F2: variants seen among roughly 807,000 people sequenced by gnomAD.
F2 encodes coagulation factor II, thrombin.
In F2, 34 loss-of-function variants were observed where a neutral mutation model predicts 81.9. The observed-to-expected ratio is 0.42, with a 90% CI of 0.32 to 0.55. The LOEUF is 0.55. F2 is among the 20% of genes least tolerant of loss of function. F2 has a pLI of 0.18. For missense variants in F2, 630 were observed against 833.4 expected, an observed-to-expected ratio of 0.76 and a Z score of 3.00; for synonymous variants, 296 against 326.4, an observed-to-expected ratio of 0.91 and a Z score of 1.01.
Position 46,723,469 on chromosome 11 carries a change from C to T in F2, c.510C>T (p.Tyr170=), listed in dbSNP as rs780567837. 1.2e-6 allele frequency: 2 copies of T among 1,614,142 alleles called. No individual in the cohort carries two copies. The highest frequency in any genetic ancestry group is 1.7e-6 in the Non-Finnish European group (2 of 1,180,012). The change falls in exon 6 of 14, where the codon TAC becomes TAT. Residue 170 remains tyrosine, a synonymous_variant. Transcript: ENST00000311907. The surrounding 1 kb of genome is among the most constrained non-coding windows in gnomAD (Gnocchi z 5.6). ...PDSSTTGPWC[Y]TTDPTVRRQE... Reference sequence around the variant, plus strand: ...GCAGCACCACGGGACCCTGGTGCTACACTACAGACCCCACCGTGAGGAGGC... The same window carrying T: ...GCAGCACCACGGGACCCTGGTGCTATACTACAGACCCCACCGTGAGGAGGC...
At position 46,728,937 on chromosome 11, in the gene F2, G is replaced by A. The variant is rs958985179; in HGVS notation, c.1472+100G>A. 12 of 1,347,226 alleles carry A rather than the reference G, an allele frequency of 8.9e-6. No homozygotes were observed. In the African/African-American group the frequency reaches 1.4e-4, roughly 16 times the overall value. The allele number at this position is 1,347,226 out of a possible 1,614,324, so 83.5% of individuals were successfully genotyped here. ...GCAAGAGCCCCTTTCCCTTTTCCAG[G>A]CCTCGGTTTCTTGGAGTGAACCCAA... On this transcript the variant is annotated intron_variant, in intron 11 of 13. Transcript: ENST00000311907. The surrounding 1 kb of genome is among the most constrained non-coding windows in gnomAD (Gnocchi z 5.1).
chr11:46,735,015 C>T (rs185797259), intron 12 of F2, among the ~76,000 whole-genome samples: 12 of 152,242 alleles, frequency 7.9e-5, no homozygotes, highest in African/African-American at 2.4e-4. Flanking sequence ...GTCTCTAAAC[C>T]CTTTATTAAA....
intron 12 of F2, among the ~76,000 whole-genome samples, chr11:46,734,997 A>C (rs1328517790): frequency 6.6e-6 from 1 of 152,092 alleles, no homozygotes; most frequent in Non-Finnish European, 1.5e-5. Context: ...CCAAATGGCT[A>C]ACTAGCTGTC....
Position 46,720,672 on chromosome 11 carries a change from T to C in F2, c.266-118T>C, listed in dbSNP as rs764368187. The C allele has an allele frequency of 6.3e-5, 94 of 1,494,712 alleles. No homozygotes were observed. In the Admixed American group the frequency reaches 9.5e-4, roughly 15 times the overall value. 92.6% of individuals were successfully genotyped at this position (1,494,712 alleles called of 1,614,324 possible). On this transcript the variant is annotated intron_variant, in intron 3 of 13. Coordinates refer to ENST00000311907, the MANE Select transcript of F2 (RefSeq NM_000506.5). ...ATCCACCCCTTCCCCACTCCTTCCT[T>C]GGTCCCTCCCATCTGTTCATCCATC...
chr11:46,726,826 CAT>C lies in F2; in HGVS notation c.1120_1121del (p.Met374ValfsTer24). On this transcript the variant is annotated frameshift_variant, in exon 9 of 14. Coordinates refer to ENST00000311907, the MANE Select transcript of F2 (RefSeq NM_000506.5). LOFTEE classifies it high-confidence loss of function. The surrounding 1 kb of genome is among the most constrained non-coding windows in gnomAD (Gnocchi z 5.9). ...IVEGSDAEIG[M>X]SPWQVMLFRK... Reference sequence around the variant, plus strand: ...TGGAGGGCTCGGATGCAGAGATCGGCATGTCACCTTGGTGTGTCCTGGAGCCC... The same window carrying C: ...TGGAGGGCTCGGATGCAGAGATCGGCGTCACCTTGGTGTGTCCTGGAGCCC... The C allele has an allele frequency of 6.2e-7, 1 of 1,614,106 alleles. No homozygotes were observed. Among genetic ancestry groups the C allele is most frequent in the Non-Finnish European group, 8.5e-7 (1 of 1,180,010 alleles).
intron 12 of F2, among the ~76,000 whole-genome samples, chr11:46,738,076 C>A (rs1436617460): frequency 6.6e-6 from 1 of 152,064 alleles, no homozygotes; most frequent in Non-Finnish European, 1.5e-5. Context: ...CGGCTCACTG[C>A]AACCTCCACC....
Position 46,728,178 on chromosome 11 carries a change from G to A in F2, c.1298+15G>A. On this transcript the variant is annotated intron_variant, in intron 10 of 13. Transcript: ENST00000311907. The surrounding 1 kb of genome is among the most constrained non-coding windows in gnomAD (Gnocchi z 5.1). Reference sequence around the variant, plus strand: ...TCCCGCACCAGGTACAGAACTGGTGGCCCGTGGGTGTCTGGCAGGGGTCTG... The same window carrying A: ...TCCCGCACCAGGTACAGAACTGGTGACCCGTGGGTGTCTGGCAGGGGTCTG... 6.2e-7 allele frequency: 1 copy of A among 1,602,360 alleles called. No individual in the cohort carries two copies.
At chr11:46,729,273 C>T in intron 11 of F2, 107 bp from the exon 12 acceptor site, 2 of 1,289,570 alleles carry the variant, frequency 1.6e-6, no homozygotes, top group Non-Finnish European at 1.1e-6. Flanking sequence ...AACGTCTGTG[C>T]CCAGCCAGCT....
chr11:46,727,289 C>T (rs187457275), intron 9 of F2, among the ~76,000 whole-genome samples: 31 of 152,022 alleles, frequency 2.0e-4, no homozygotes, highest in African/African-American at 6.0e-4. Context: ...CCCAAAGTGC[C>T]GGGATTACAG....
rs3136472 is a variant in F2 at position 46,728,514 on chromosome 11, C to T, written c.1299-150C>T. 4.6e-6 allele frequency: 4 copies of T among 878,900 alleles called. No individual in the cohort carries two copies. The Admixed American group carries it at 6.5e-5, about 14-fold the overall frequency. 54.4% of individuals were successfully genotyped at this position (878,900 alleles called of 1,614,324 possible). ...ACGGCTTTAGGCCCAGGAAGAAACA[C>T]CCAGGGGGCTGCCATGGCAGGAACC... On this transcript the variant is annotated intron_variant, in intron 10 of 13. Coordinates refer to ENST00000311907, the MANE Select transcript of F2 (RefSeq NM_000506.5). The surrounding 1 kb of genome is among the most constrained non-coding windows in gnomAD (Gnocchi z 5.1).
In F2 at chr11:46,726,478, C is replaced by T. The variant is rs373100152; in HGVS notation, c.875-20C>T. ...AGGAATGGCCCAGCCCAGTCCCAGC[C>T]GGTGCCTGGGTCCCAACAGAGGAGG... is the stretch of plus-strand genomic sequence containing the variant. On this transcript the variant is annotated intron_variant, in intron 7 of 13. Transcript: ENST00000311907. This position sits in a 1 kb window ranked among gnomAD's most constrained non-coding sequence, Gnocchi z 5.9. The T allele has an allele frequency of 2.8e-5, 45 of 1,611,208 alleles. No homozygotes were observed. Among genetic ancestry groups the T allele is most frequent in the Non-Finnish European group, 3.1e-5 (37 of 1,178,750 alleles).
At position 46,726,019 on chromosome 11, in the gene F2, A is replaced by G; in HGVS notation, c.720A>G (p.Ala240=). 6.2e-7 allele frequency: 1 copy of G among 1,614,050 alleles called. No homozygotes were observed. The highest frequency in any genetic ancestry group is 8.5e-7 in the Non-Finnish European group (1 of 1,180,002). The change falls in exon 7 of 14, where the codon GCA becomes GCG. Residue 240 remains alanine, a synonymous_variant. Coordinates refer to ENST00000311907, the MANE Select transcript of F2 (RefSeq NM_000506.5). This position sits in a 1 kb window ranked among gnomAD's most constrained non-coding sequence, Gnocchi z 5.9. ...HGLPCLAWAS[A]QAKALSKHQD... ...TCCCCTGCCTGGCCTGGGCCAGCGC[A>G]CAGGCCAAGGCCCTGAGCAAGCACC...
chr11:46,720,075 G>C, intron 2 of F2: 1 of 663,512 alleles, frequency 1.5e-6, no homozygotes, highest in South Asian at 1.9e-5. Flanking sequence ...GCAGCTCCAT[G>C]ACATGGGGAG....
In F2 at chr11:46,726,194, G is replaced by C. The variant is rs999041103; in HGVS notation, c.874+21G>C. 1.2e-6 allele frequency: 2 copies of C among 1,611,302 alleles called. No homozygotes were observed. Among genetic ancestry groups the C allele is most frequent in the Non-Finnish European group, 1.7e-6 (2 of 1,179,492 alleles). On this transcript the variant is annotated intron_variant, in intron 7 of 13. Transcript: ENST00000311907. This position sits in a 1 kb window ranked among gnomAD's most constrained non-coding sequence, Gnocchi z 5.9. Reference sequence around the variant, plus strand: ...TTGTGGTGAGCTGCCTGGGTAGGGGGCCTGAGTTGCAGGGACAAATCCTGG... The same window carrying C: ...TTGTGGTGAGCTGCCTGGGTAGGGGCCCTGAGTTGCAGGGACAAATCCTGG...
chr11:46,730,588 G>A (rs2064905154), intron 12 of F2, among the ~76,000 whole-genome samples: 1 of 151,930 alleles, frequency 6.6e-6, no homozygotes, highest in South Asian at 2.1e-4. Flanking sequence ...TTAGGGCCTG[G>A]AAGGACTTTA....
intron 12 of F2, among the ~76,000 whole-genome samples, chr11:46,731,786 A>T (rs2064913319): frequency 6.6e-6 from 1 of 152,032 alleles, no homozygotes; most frequent in Non-Finnish European, 1.5e-5. Flanking sequence ...CATGAGAACA[A>T]TTTGTCTCAT....
At position 46,726,071 on chromosome 11, in the gene F2, G is replaced by C. The variant is rs772645835; in HGVS notation, c.772G>C (p.Val258Leu). 3 of 1,614,216 alleles carry C rather than the reference G, an allele frequency of 1.9e-6. No individual in the cohort carries two copies. Among genetic ancestry groups the C allele is most frequent in the Admixed American group, 3.3e-5 (2 of 60,026 alleles). ...GGACTTCAACTCAGCTGTGCAGCTGGTGGAGAACTTCTGCCGCAACCCAGA... is the reference window on the plus strand; with the variant it reads ...GGACTTCAACTCAGCTGTGCAGCTGCTGGAGAACTTCTGCCGCAACCCAGA... ...HQDFNSAVQL[V>L]ENFCRNPDGD... is the part of the protein sequence containing the mutation. The change falls in exon 7 of 14, where the codon GTG (valine) becomes CTG (leucine). Residue 258 changes from valine to leucine, a missense_variant. By Grantham distance (32) the Val-to-Leu change is conservative. Transcript: ENST00000311907. This position sits in a 1 kb window ranked among gnomAD's most constrained non-coding sequence, Gnocchi z 5.9.
At chr11:46,721,310 G>T (rs940436787) in intron 4 of F2, among the ~76,000 whole-genome samples, 1 of 152,168 alleles carries the variant, frequency 6.6e-6, no homozygotes, top group African/African-American at 2.4e-5. Flanking sequence ...AAAGTGCTGG[G>T]ATTATAGAAG....
At chr11:46,738,294 T>C (rs1288792248) in intron 12 of F2, among the ~76,000 whole-genome samples, 3 of 152,070 alleles carry the variant, frequency 2.0e-5, no homozygotes, top group Non-Finnish European at 2.9e-5. Flanking sequence ...CCACAGCACC[T>C]AGTGAAGGTG....
Sources: gnomAD v4.1 joint callset for allele counts (sites outside exome capture counted in the v4.1 genomes callset) on GRCh38, gnomAD v4.1.1 for gene constraint, Gnocchi (gnomAD v3.1) non-coding constraint, MANE v1.5 for transcripts, NCBI Gene and HGNC (gene_info 2026-07-23, HGNC 2026-07-21) for gene names.